The following CIB1 variants were observed in gnomAD, a reference collection of about 807,000 sequenced individuals.
CIB1 encodes the protein calcium and integrin binding 1, also known as calcium and integrin-binding protein 1.
A neutral mutation model predicts 25.0 loss-of-function variants in CIB1; 19 were observed. That is an observed-to-expected ratio of 0.76 (90% confidence interval 0.53 to 1.12). The LOEUF (loss-of-function observed/expected upper bound fraction) is 1.12, where lower values mean the gene tolerates loss of function less well. Ranked by LOEUF, CIB1 falls within the 50% of genes most tolerant of loss-of-function variation. The pLI, the probability that CIB1 is intolerant of heterozygous loss-of-function variation, is 0.00. For synonymous variants in CIB1, 104 were observed against 98.5 expected (o/e 1.06, Z -0.33); for missense variants, 236 against 242.6 (o/e 0.97, Z 0.18).
At chr15:90,265,165 C>G in the CIB1 span, 1 of 1,267,510 alleles carries the variant, frequency 7.9e-7, no homozygotes, top group Non-Finnish European at 1.0e-6. Flanking sequence ...TCGGTAAAGA[C>G]TAGAAGATGA....
At chr15:90,260,539 ATTTCAT>A in the CIB1 span, among the ~76,000 whole-genome samples, 2 of 151,640 alleles carry the variant, frequency 1.3e-5, no homozygotes, top group Non-Finnish European at 2.9e-5. Context: ...TTGTTGCATT[ATTTCAT>A]TTTCATTTGA....
the CIB1 span, among the ~76,000 whole-genome samples, chr15:90,247,125 G>A: frequency 1.7e-3 from 252 of 151,816 alleles, 2 homozygotes; most frequent in African/African-American, 5.9e-3. Context: ...ACAGGCGTGC[G>A]CCACCATGCC....
the CIB1 span, among the ~76,000 whole-genome samples, chr15:90,252,281 C>A: frequency 6.6e-6 from 1 of 152,154 alleles, no homozygotes; most frequent in Admixed American, 6.5e-5. Context: ...AGGTGATCCA[C>A]CCACCTCAGC....
At chr15:90,237,799 C>T (rs888734088), upstream of CIB1, among the ~76,000 whole-genome samples, 3 of 151,674 alleles carry the variant, frequency 2.0e-5, no homozygotes, top group African/African-American at 7.3e-5. Context: ...GAATAAGATA[C>T]TACATTAGTC....
At chr15:90,258,320 G>A in the CIB1 span, 3 of 1,492,394 alleles carry the variant, frequency 2.0e-6, no homozygotes, top group South Asian at 2.3e-5. Context: ...AGGCCTCCTT[G>A]AATAGGACAC....
At chr15:90,235,751 G>T (rs1048190987), upstream of CIB1, among the ~76,000 whole-genome samples, 15 of 151,838 alleles carry the variant, frequency 9.9e-5, no homozygotes, top group African/African-American at 3.1e-4. Flanking sequence ...TGTATTTTTG[G>T]TAGAGACGGG....
upstream of CIB1, among the ~76,000 whole-genome samples, chr15:90,237,008 G>C (rs1171005579): frequency 1.3e-5 from 2 of 151,816 alleles, no homozygotes; most frequent in Admixed American, 1.3e-4. Flanking sequence ...CACCAGGCTG[G>C]AGTGCAGTGG....
the CIB1 span, chr15:90,241,871 G>T: frequency 1.9e-6 from 3 of 1,614,164 alleles, no homozygotes; most frequent in Non-Finnish European, 2.5e-6. Flanking sequence ...CCAGCTTTGG[G>T]ATAAAGGACG....
At chr15:90,241,686 C>T in the CIB1 span, 11 of 1,614,076 alleles carry the variant, frequency 6.8e-6, no homozygotes, top group African/African-American at 2.7e-5. Flanking sequence ...CTTTTACACT[C>T]GTGGGCCAGG....
the CIB1 span, chr15:90,262,121 C>G: frequency 6.5e-7 from 1 of 1,535,932 alleles, no homozygotes; most frequent in South Asian, 1.2e-5. Flanking sequence ...GAAGTATGCC[C>G]GCTTCTTCAA....
chr15:90,255,940 C>G, the CIB1 span: 2 of 1,612,052 alleles, frequency 1.2e-6, no homozygotes, highest in South Asian at 2.2e-5. Context: ...AAGGGTCGCT[C>G]TCAGAGCTCT....
upstream of CIB1, among the ~76,000 whole-genome samples, chr15:90,235,293 C>G (rs528709068): frequency 1.6e-4 from 24 of 152,140 alleles, no homozygotes; most frequent in African/African-American, 5.8e-4. Context: ...AGGCCAGGCG[C>G]GGTGGCTCAT....
chr15:90,251,509 C>A, the CIB1 span: 9 of 1,566,490 alleles, frequency 5.7e-6, no homozygotes, highest in Non-Finnish European at 7.9e-6. Flanking sequence ...GAGTACCTGT[C>A]CTTCCCTCCC....
chr15:90,241,568 T>C, the CIB1 span: 2 of 1,613,390 alleles, frequency 1.2e-6, no homozygotes, highest in Non-Finnish European at 1.7e-6. Flanking sequence ...TCCACCTGCA[T>C]GGCTATTACC....
chr15:90,247,532 T>C, the CIB1 span, among the ~76,000 whole-genome samples: 2 of 151,232 alleles, frequency 1.3e-5, no homozygotes, highest in Admixed American at 6.6e-5. Flanking sequence ...AGGACATTGG[T>C]GTTGAGGTTG....
the CIB1 span, chr15:90,251,696 G>A: frequency 1.4e-4 from 183 of 1,341,922 alleles, no homozygotes; most frequent in Non-Finnish European, 1.8e-4. Flanking sequence ...CCAGCCCCTG[G>A]GGCCTGGCGG....
At chr15:90,256,362 C>T in the CIB1 span, 1 of 1,599,552 alleles carries the variant, frequency 6.3e-7, no homozygotes, top group Non-Finnish European at 8.5e-7. Context: ...TCATCTCTCC[C>T]AAAAGCCAGG....
chr15:90,263,143 C>T, the CIB1 span: 3,094 of 1,524,104 alleles, frequency 2.0e-3, 101 homozygotes, highest in East Asian at 0.06. Flanking sequence ...TCATGAGAGT[C>T]GGGTGAGGGT....
At chr15:90,235,834 C>T (rs989741270), upstream of CIB1, among the ~76,000 whole-genome samples, 1 of 152,042 alleles carries the variant, frequency 6.6e-6, no homozygotes, top group Non-Finnish European at 1.5e-5. Context: ...TCTCAAAGTG[C>T]TGGGATTACA....
Sources: gnomAD v4.1 joint callset for allele counts (sites outside exome capture counted in the v4.1 genomes callset) on GRCh38, gnomAD v4.1.1 for gene constraint, MANE v1.5 for transcripts, NCBI Gene and HGNC (gene_info 2026-07-23, HGNC 2026-07-21) for gene names.